DISC1: variants seen among roughly 807,000 people sequenced by gnomAD.
DISC1 encodes DISC1 scaffold protein.
A neutral mutation model predicts 84.5 loss-of-function variants in DISC1; 57 were observed. The ratio of observed to expected loss-of-function variants is 0.67; its 90% CI spans 0.55 to 0.84. The LOEUF (loss-of-function observed/expected upper bound fraction) is 0.84, where lower values mean the gene tolerates loss of function less well. Among genes scored for constraint, DISC1 ranks in the 40% least tolerant of loss-of-function variants. The pLI, the probability that DISC1 is intolerant of heterozygous loss-of-function variation, is 0.00. For missense variants in DISC1, 1,000 were observed against 1,057.8 expected (o/e 0.95, Z 0.76); for synonymous variants, 411 against 415.2 (o/e 0.99, Z 0.12).
intron 6 of DISC1, among the ~76,000 whole-genome samples, chr1:231,790,425 C>T (rs950037239): frequency 2.0e-5 from 3 of 152,008 alleles, no homozygotes; most frequent in Non-Finnish European, 4.4e-5. Context: ...TCTTCTGAGG[C>T]TCCTCTCCTT....
chr1:232,036,525 G>T (rs1670534377), intron 12 of DISC1, among the ~76,000 whole-genome samples, 167 bp from the exon 13 acceptor site: 1 of 152,160 alleles, frequency 6.6e-6, no homozygotes, highest in African/African-American at 2.4e-5. Context: ...AAATATAAAA[G>T]TGTAAAGTTT....
At chr1:231,910,402 A>G (rs1162102695) in intron 9 of DISC1, among the ~76,000 whole-genome samples, 2 of 152,174 alleles carry the variant, frequency 1.3e-5, no homozygotes, top group African/African-American at 4.8e-5. Context: ...TTCAAAGAAC[A>G]TCTTTATTTC....
Position 231,907,112 on chromosome 1 carries a change from T to C in DISC1, c.1982-51716T>C, listed in dbSNP as rs1401060452. On this transcript the variant is annotated intron_variant, in intron 9 of 12. Coordinates refer to ENST00000439617, the MANE Select transcript of DISC1 (RefSeq NM_018662.3). ...CTTCCCTCCCTCCTTCCTTCTCTCC[T>C]TCCTTCCTTCCTTCCTTCCTCTTTC... Among the ~76,000 whole-genome samples the C allele has an allele frequency of 4.2e-3, 312 of 75,176 alleles. 78 individuals are homozygous for C. The highest frequency in any genetic ancestry group is 7.6e-3 in the South Asian group (12 of 1,570). 49.3% of individuals were successfully genotyped at this position (75,176 alleles called of 152,430 possible).
chr1:231,874,580 G>A (rs942616225), intron 9 of DISC1, among the ~76,000 whole-genome samples: 12 of 151,696 alleles, frequency 7.9e-5, no homozygotes, highest in Admixed American at 2.0e-4. Context: ...GCTTCAAAAC[G>A]ATAAAACAAT....
intron 10 of DISC1, among the ~76,000 whole-genome samples, chr1:231,993,757 A>G (rs1665545441): frequency 6.6e-6 from 1 of 152,186 alleles, no homozygotes; most frequent in African/African-American, 2.4e-5. Context: ...AAACCATGAA[A>G]AAAAATGGAG....
chr1:231,729,237 A>G (rs1246772605), intron 3 of DISC1, among the ~76,000 whole-genome samples: 1 of 152,154 alleles, frequency 6.6e-6, no homozygotes, highest in African/African-American at 2.4e-5. Context: ...AATCCAGTCT[A>G]TCATTGTTGG....
At chr1:231,917,638 C>T (rs2089731633) in intron 9 of DISC1, among the ~76,000 whole-genome samples, 1 of 152,130 alleles carries the variant, frequency 6.6e-6, no homozygotes, top group South Asian at 2.1e-4. Context: ...TGGGCTGTCT[C>T]CTCCAGCACA....
chr1:231,840,682 TTTTGTTTTTA>T (rs914765812), intron 9 of DISC1, among the ~76,000 whole-genome samples: 3 of 151,274 alleles, frequency 2.0e-5, no homozygotes, highest in African/African-American at 7.4e-5. Context: ...GAATTCTTGG[TTTTGTTTTTA>T]TTTGTTTTTT....
chr1:231,941,492 T>A (rs1378101526), intron 9 of DISC1, among the ~76,000 whole-genome samples: 1 of 148,184 alleles, frequency 6.7e-6, no homozygotes, highest in Non-Finnish European at 1.5e-5. Context: ...TTTTTTTTTT[T>A]AGATGGAGTC....
At chr1:231,903,308 T>C (rs1305616427) in intron 9 of DISC1, among the ~76,000 whole-genome samples, 1 of 152,210 alleles carries the variant, frequency 6.6e-6, no homozygotes, top group Admixed American at 6.5e-5. Context: ...ATGAATGTTA[T>C]GTGTGAAGAC....
chr1:232,005,333 G>T (rs562065235), intron 10 of DISC1, among the ~76,000 whole-genome samples: 3 of 152,096 alleles, frequency 2.0e-5, no homozygotes, highest in South Asian at 2.1e-4. Flanking sequence ...TAATTGCATA[G>T]TTCTAGATTG....
At chr1:231,892,497 A>G (rs1042131730) in intron 9 of DISC1, among the ~76,000 whole-genome samples, 1 of 152,164 alleles carries the variant, frequency 6.6e-6, no homozygotes, top group African/African-American at 2.4e-5. Context: ...GTAAAGATAC[A>G]AGCTCACTGG....
chr1:231,737,473 A>C (rs2072660184), intron 3 of DISC1, among the ~76,000 whole-genome samples: 1 of 152,228 alleles, frequency 6.6e-6, no homozygotes, highest in Non-Finnish European at 1.5e-5. Context: ...AAATCACATT[A>C]ACAATGTCTA....
chr1:231,862,628 TTCA>T (rs752551629), intron 9 of DISC1, among the ~76,000 whole-genome samples: 10 of 152,338 alleles, frequency 6.6e-5, no homozygotes, highest in Non-Finnish European at 1.5e-4. Flanking sequence ...GAAAGACCTC[TTCA>T]TTCTTCACTT....
chr1:232,011,306 T>C (rs1667998761), intron 11 of DISC1, among the ~76,000 whole-genome samples: 1 of 152,124 alleles, frequency 6.6e-6, no homozygotes, highest in South Asian at 2.1e-4. Context: ...GTTTGGGTGC[T>C]CCAGGGGTCC....
chr1:231,832,767 T>G (rs904105289), intron 9 of DISC1, among the ~76,000 whole-genome samples: 1 of 145,444 alleles, frequency 6.9e-6, no homozygotes, highest in Non-Finnish European at 1.5e-5. Context: ...CACCACAGGG[T>G]GGATAGGCAA....
rs112410010 is a variant in DISC1, at chr1:231,720,876, T to C, written c.1117+18852T>C. ...TGTTGGAGGAAGTTGCTACCAGTCA[T>C]CTCACTTTGCATACCTAGTTCTGAC... is the stretch of plus-strand genomic sequence containing the variant. On this transcript the variant is annotated intron_variant, in intron 3 of 12. Transcript: ENST00000439617. 69 of 1,290,964 alleles carry C rather than the reference T, an allele frequency of 5.3e-5. No homozygotes were observed. In the African/African-American group the frequency reaches 9.1e-4, roughly 17 times the overall value. The allele number at this position is 1,290,964 out of a possible 1,614,324, so 80.0% of individuals were successfully genotyped here.
intron 11 of DISC1, among the ~76,000 whole-genome samples, chr1:232,011,817 G>A (rs1017284011): frequency 1.0e-4 from 15 of 143,152 alleles, no homozygotes; most frequent in Non-Finnish European, 2.2e-4. Flanking sequence ...TTTAAAAACC[G>A]GGCTATAGAT....
intron 10 of DISC1, among the ~76,000 whole-genome samples, chr1:231,981,800 G>A (rs1427763990): frequency 6.6e-6 from 1 of 152,172 alleles, no homozygotes. Flanking sequence ...GGGCTGGGGA[G>A]AACCAGTCTG....
Sources: gnomAD v4.1 joint callset for allele counts (sites outside exome capture counted in the v4.1 genomes callset) on GRCh38, gnomAD v4.1.1 for gene constraint, MANE v1.5 for transcripts, NCBI Gene and HGNC (gene_info 2026-07-23, HGNC 2026-07-21) for gene names.